Variants in CYRIA observed in about 807,000 individuals in gnomAD.
The protein encoded by CYRIA is CYFIP-related Rac1 interactor A.
A neutral mutation model predicts 43.9 loss-of-function variants in CYRIA; 15 were observed. The ratio of observed to expected loss-of-function variants is 0.34; its 90% CI spans 0.23 to 0.53. CYRIA has a LOEUF of 0.53. CYRIA is among the 20% of genes least tolerant of loss of function. The pLI is 0.94. For synonymous variants in CYRIA, 117 were observed against 136.0 expected, an observed-to-expected ratio of 0.86 and a Z score of 0.97; for missense variants, 236 against 394.2, an observed-to-expected ratio of 0.60 and a Z score of 3.40.
chr2:16,631,188 G>A (rs1669320787), intron 1 of CYRIA, among the ~76,000 whole-genome samples: 1 of 152,258 alleles, frequency 6.6e-6, no homozygotes, highest in Admixed American at 6.5e-5. Context: ...TATTATATTT[G>A]TGTTCGTGTT....
At chr2:16,646,559 C>CT (rs1669825869) in intron 1 of CYRIA, among the ~76,000 whole-genome samples, 1 of 152,158 alleles carries the variant, frequency 6.6e-6, no homozygotes, top group Non-Finnish European at 1.5e-5. Flanking sequence ...TGGGAGCCTC[C>CT]TTGTTGCGAC....
chr2:16,575,624 G>A (rs542914154), intron 3 of CYRIA, among the ~76,000 whole-genome samples: 4 of 152,208 alleles, frequency 2.6e-5, no homozygotes, highest in Admixed American at 2.0e-4. Context: ...GGGAGGCCGA[G>A]GCGGGCGGAT....
intron 1 of CYRIA, among the ~76,000 whole-genome samples, chr2:16,634,765 C>T (rs532902924): frequency 1.1e-4 from 16 of 152,320 alleles, no homozygotes; most frequent in Admixed American, 9.8e-4. Flanking sequence ...CTGGCACCAG[C>T]TCACCAGATC....
chr2:16,614,299 A>G (rs6720167), intron 2 of CYRIA, among the ~76,000 whole-genome samples: 40,864 of 152,102 alleles, frequency 0.27, 7,312 homozygotes, highest in East Asian at 0.9. Context: ...TCTGCAATCC[A>G]CAAGAGAAGG....
intron 3 of CYRIA, among the ~76,000 whole-genome samples, chr2:16,582,339 T>A (rs916423732): frequency 2.0e-5 from 3 of 152,166 alleles, no homozygotes; most frequent in Admixed American, 6.5e-5. Context: ...ACAAAAAAAA[T>A]TTACAACTTT....
chr2:16,633,234 C>CA (rs1316503959), intron 1 of CYRIA, among the ~76,000 whole-genome samples: 4 of 152,154 alleles, frequency 2.6e-5, no homozygotes, highest in Admixed American at 2.6e-4. Flanking sequence ...TTTCACCCCC[C>CA]ACCCTGTCTA....
At chr2:16,592,072 G>T (rs1667951978) in intron 2 of CYRIA, among the ~76,000 whole-genome samples, 1 of 152,028 alleles carries the variant, frequency 6.6e-6, no homozygotes, top group Non-Finnish European at 1.5e-5. Context: ...AGTACAGGTT[G>T]AGTATTCCAA....
At chr2:16,613,538 C>T (rs1226835461) in intron 2 of CYRIA, among the ~76,000 whole-genome samples, 6 of 149,520 alleles carry the variant, frequency 4.0e-5, no homozygotes, top group Non-Finnish European at 7.4e-5. Flanking sequence ...AATTACCCTC[C>T]AGTAGGTTAG....
At chr2:16,572,728 C>A (rs1311421646) in intron 3 of CYRIA, among the ~76,000 whole-genome samples, 2 of 152,130 alleles carry the variant, frequency 1.3e-5, no homozygotes, top group African/African-American at 2.4e-5. Flanking sequence ...TACACCCCAG[C>A]CCCCACCACA....
At chr2:16,578,512 A>G (rs1667432039) in intron 3 of CYRIA, among the ~76,000 whole-genome samples, 1 of 152,226 alleles carries the variant, frequency 6.6e-6, no homozygotes. Context: ...AATGTATGGT[A>G]AAAATGGAAA....
intron 1 of CYRIA, among the ~76,000 whole-genome samples, chr2:16,630,947 AAC>A (rs1396465727): frequency 6.6e-6 from 1 of 152,186 alleles, no homozygotes; most frequent in African/African-American, 2.4e-5. Context: ...GACAAAAACC[AAC>A]AATCTGGGCT....
intron 2 of CYRIA, among the ~76,000 whole-genome samples, chr2:16,609,466 A>T (rs888384654): frequency 2.0e-5 from 3 of 152,206 alleles, no homozygotes; most frequent in African/African-American, 7.2e-5. Context: ...GCTGGAGACC[A>T]CATGTTTCTA....
intron 1 of CYRIA, among the ~76,000 whole-genome samples, chr2:16,634,960 T>C (rs1221074435): frequency 1.3e-5 from 2 of 152,224 alleles, no homozygotes; most frequent in African/African-American, 4.8e-5. Context: ...AATGGATCCA[T>C]AAGATGGACA....
chr2:16,577,932 C>T (rs1356363156), intron 3 of CYRIA, among the ~76,000 whole-genome samples: 2 of 152,158 alleles, frequency 1.3e-5, no homozygotes, highest in Admixed American at 1.3e-4. Context: ...CCCTCTAGGG[C>T]CCACCATGCC....
rs558415852 is a variant in CYRIA, at chr2:16,587,879, T to C, written c.70+171A>G. 7.2e-5 allele frequency among the ~76,000 whole-genome samples: 11 copies of C among 152,232 alleles called. No homozygotes were observed. In the East Asian group the frequency reaches 2.1e-3, roughly 29 times the overall value. ...AACCGTGAGTCAAACCTCTTTCCTTTATAAATTACTCAGTCTCATGTATGT... is the reference window on the plus strand; with the variant it reads ...AACCGTGAGTCAAACCTCTTTCCTTCATAAATTACTCAGTCTCATGTATGT... On this transcript the variant is annotated intron_variant, in intron 3 of 11. Coordinates refer to ENST00000381323, the MANE Select transcript of CYRIA (RefSeq NM_030797.4).
chr2:16,630,317 C>T (rs1669290594), intron 1 of CYRIA, among the ~76,000 whole-genome samples: 1 of 152,152 alleles, frequency 6.6e-6, no homozygotes, highest in African/African-American at 2.4e-5. Context: ...CCACTGTACT[C>T]TACAGCAAAG....
At chr2:16,634,520 T>C (rs1404408252) in intron 1 of CYRIA, among the ~76,000 whole-genome samples, 1 of 152,204 alleles carries the variant, frequency 6.6e-6, no homozygotes, top group Admixed American at 6.5e-5. Flanking sequence ...ATTCCTTCAA[T>C]GGAAAGACTG....
intron 9 of CYRIA, chr2:16,560,517 C>A (rs1042505521): frequency 5.9e-6 from 1 of 168,618 alleles, no homozygotes; most frequent in African/African-American, 2.4e-5. Flanking sequence ...CCTCAATATT[C>A]TCAATCATTT....
chr2:16,555,021 C>T, intron 11 of CYRIA, 48 bp downstream of exon 11: 1 of 1,537,276 alleles, frequency 6.5e-7, no homozygotes, highest in Non-Finnish European at 9.0e-7. Context: ...TGCAATGGCC[C>T]TGAAAGGCTG....
Sources: gnomAD v4.1 joint callset for allele counts (sites outside exome capture counted in the v4.1 genomes callset) on GRCh38, gnomAD v4.1.1 for gene constraint, MANE v1.5 for transcripts, NCBI Gene and HGNC (gene_info 2026-07-23, HGNC 2026-07-21) for gene names.